Variants in RIMS2 observed in about 807,000 individuals in gnomAD.
RIMS2 encodes the protein regulating synaptic membrane exocytosis 2.
RIMS2 carries 59 observed loss-of-function variants against 174.4 expected under a neutral mutation model. The observed-to-expected ratio is 0.34, with a 90% CI of 0.27 to 0.42. The LOEUF is 0.42. Ranked by LOEUF, RIMS2 falls within the 10% of genes least tolerant of loss-of-function variation. RIMS2 has a pLI of 1.00. For missense variants in RIMS2, 1,620 were observed against 1,666.3 expected (o/e 0.97, Z 0.48); for synonymous variants, 606 against 572.5 (o/e 1.06, Z -0.84).
intron 19 of RIMS2, among the ~76,000 whole-genome samples, chr8:104,082,050 C>T (rs552517688): frequency 4.6e-5 from 7 of 151,918 alleles, no homozygotes; most frequent in African/African-American, 9.7e-5. Context: ...CTTCATACCT[C>T]GGGTATTGCT....
intron 1 of RIMS2, among the ~76,000 whole-genome samples, chr8:103,618,865 C>G (rs2095565750): frequency 6.6e-6 from 1 of 152,072 alleles, no homozygotes; most frequent in African/African-American, 2.4e-5. Flanking sequence ...AACCTATTTT[C>G]ACTCGTGGTT....
At chr8:103,679,803 G>A (rs1032056429) in intron 1 of RIMS2, among the ~76,000 whole-genome samples, 1 of 152,018 alleles carries the variant, frequency 6.6e-6, no homozygotes, top group East Asian at 1.9e-4. Context: ...TGTAATAAAA[G>A]TTTTAAACTA....
chr8:103,846,713 C>G (rs945764616), intron 3 of RIMS2, among the ~76,000 whole-genome samples: 1 of 152,140 alleles, frequency 6.6e-6, no homozygotes, highest in Non-Finnish European at 1.5e-5. Flanking sequence ...TAAATTTACT[C>G]TATTCAGGCA....
chr8:103,671,003 T>C (rs2096737441), intron 1 of RIMS2, among the ~76,000 whole-genome samples: 1 of 152,158 alleles, frequency 6.6e-6, no homozygotes, highest in Non-Finnish European at 1.5e-5. Flanking sequence ...GGGTAATTTA[T>C]GAAGGAAAGA....
chr8:104,233,935 G>A (rs1415664890), intron 19 of RIMS2, among the ~76,000 whole-genome samples: 2 of 152,156 alleles, frequency 1.3e-5, no homozygotes, highest in Non-Finnish European at 2.9e-5. Context: ...CTGAAAAAAA[G>A]GATTTGGGTG....
chr8:103,713,513 C>CA (rs1340635997), intron 2 of RIMS2, among the ~76,000 whole-genome samples: 2 of 152,128 alleles, frequency 1.3e-5, no homozygotes, highest in Non-Finnish European at 2.9e-5. Flanking sequence ...GGAATCATCT[C>CA]AGATTTCTTT....
intron 20 of RIMS2, among the ~76,000 whole-genome samples, chr8:104,247,759 A>G (rs761001764): frequency 1.3e-5 from 2 of 152,184 alleles, no homozygotes; most frequent in Non-Finnish European, 2.9e-5. Flanking sequence ...TCAGGTGTCT[A>G]TTACATATCC....
intron 3 of RIMS2, among the ~76,000 whole-genome samples, chr8:103,773,372 A>T (rs2098274742): frequency 6.6e-6 from 1 of 152,230 alleles, no homozygotes; most frequent in African/African-American, 2.4e-5. Flanking sequence ...TTTATAAAAA[A>T]ATATGAATTG....
chr8:103,571,142 G>A (rs1369950199), intron 1 of RIMS2, among the ~76,000 whole-genome samples: 2 of 152,122 alleles, frequency 1.3e-5, no homozygotes, highest in Non-Finnish European at 2.9e-5. Context: ...TTTGACAACA[G>A]CAGCTGTGAT....
chr8:103,973,589 A>T (rs2093129080), intron 15 of RIMS2, among the ~76,000 whole-genome samples: 1 of 152,226 alleles, frequency 6.6e-6, no homozygotes, highest in Non-Finnish European at 1.5e-5. Context: ...ATAAGTCTGC[A>T]AAGTTATGAA....
At chr8:103,505,462 C>G (rs904626006) in intron 1 of RIMS2, among the ~76,000 whole-genome samples, 1 of 152,032 alleles carries the variant, frequency 6.6e-6, no homozygotes, top group Non-Finnish European at 1.5e-5. Flanking sequence ...AATGAATATT[C>G]TGTAATTTCT....
intron 1 of RIMS2, among the ~76,000 whole-genome samples, chr8:103,509,720 GTTTACACAGGAGTAATATATTA>G (rs370041237): frequency 2.7e-4 from 41 of 152,056 alleles, no homozygotes; most frequent in African/African-American, 9.6e-4. Flanking sequence ...TTAAGAAAAG[GTTTACACAGGAGTAATATATTA>G]TTTTACCTAC....
chr8:104,073,153 C>T (rs1269117699), intron 19 of RIMS2, among the ~76,000 whole-genome samples: 1 of 152,094 alleles, frequency 6.6e-6, no homozygotes, highest in Non-Finnish European at 1.5e-5. Flanking sequence ...CACCACAGGT[C>T]AACTACCCTT....
chr8:103,998,383 C>A, intron 17 of RIMS2: 1 of 490,128 alleles, frequency 2.0e-6, no homozygotes, highest in Admixed American at 4.0e-5. Flanking sequence ...AAATATCACC[C>A]ACATAAAATA....
intron 1 of RIMS2, among the ~76,000 whole-genome samples, chr8:103,692,141 C>A (rs565095886): frequency 6.6e-6 from 1 of 152,134 alleles, no homozygotes; most frequent in African/African-American, 2.4e-5. Context: ...AATGAGACTG[C>A]GCTGGGTCAG....
At chr8:104,207,848 A>T (rs1254886826) in intron 19 of RIMS2, among the ~76,000 whole-genome samples, 1 of 149,524 alleles carries the variant, frequency 6.7e-6, no homozygotes, top group African/African-American at 2.4e-5. Context: ...AATATATATT[A>T]TATATATTTG....
intron 1 of RIMS2, among the ~76,000 whole-genome samples, chr8:103,609,263 G>T (rs780531510): frequency 6.6e-6 from 1 of 152,102 alleles, no homozygotes; most frequent in Admixed American, 6.5e-5. Flanking sequence ...TTAGAGCTTC[G>T]TTGGATGTAT....
intron 19 of RIMS2, among the ~76,000 whole-genome samples, chr8:104,063,061 A>T (rs72683180): frequency 6.6e-6 from 1 of 151,914 alleles, no homozygotes; most frequent in Admixed American, 6.6e-5. Context: ...TATTAAAACT[A>T]TACTTTTTAT....
exon 3 of RIMS2, chr8:103,766,500 G>T (rs769411792): frequency 1.2e-5 from 20 of 1,613,474 alleles, no homozygotes; most frequent in Non-Finnish European, 1.6e-5. Flanking sequence ...TGGGTCAGGC[G>T]TGAAGCATCA....
Sources: allele counts gnomAD v4.1 joint callset (sites outside exome capture counted in the v4.1 genomes callset), GRCh38; gene constraint gnomAD v4.1.1; transcripts MANE v1.5; gene names NCBI Gene and HGNC (gene_info 2026-07-23, HGNC 2026-07-21).